The following PCDHA2 variants were observed in gnomAD, a reference collection of about 807,000 sequenced individuals.
The protein encoded by PCDHA2 is protocadherin alpha-2.
PCDHA2 carries 58 observed loss-of-function variants against 66.0 expected under a neutral mutation model. The ratio of observed to expected loss-of-function variants is 0.88; its 90% CI spans 0.71 to 1.09. The LOEUF (loss-of-function observed/expected upper bound fraction) is 1.09, where lower values mean the gene tolerates loss of function less well. PCDHA2 is among the 50% of genes least tolerant of loss of function. The pLI, the probability that PCDHA2 is intolerant of heterozygous loss-of-function variation, is 0.00. For missense variants in PCDHA2, 1,267 were observed against 1,242.3 expected (o/e 1.02, Z -0.30); for synonymous variants, 634 against 554.0 (o/e 1.14, Z -2.03).
rs781859537 is a variant in PCDHA2, at chr5:140,858,340, G to A, written c.2388+60988G>A. Reference sequence around the variant, plus strand: ...TGTGTTCTGGGGAGGGCCTGCCCAAGGCGGACCTCATGGCCTTCAGCCCCA... The same window carrying A: ...TGTGTTCTGGGGAGGGCCTGCCCAAAGCGGACCTCATGGCCTTCAGCCCCA... On this transcript the variant is annotated intron_variant, in intron 1 of 3. Coordinates refer to ENST00000526136, the MANE Select transcript of PCDHA2 (RefSeq NM_018905.3). The A allele has an allele frequency of 1.2e-5, 19 of 1,595,540 alleles. No individual in the cohort carries two copies. In the South Asian group the frequency reaches 1.3e-4, roughly 11 times the overall value.
intron 1 of PCDHA2, among the ~76,000 whole-genome samples, chr5:140,921,323 G>C (rs192159885): frequency 7.2e-4 from 109 of 151,970 alleles, no homozygotes; most frequent in African/African-American, 2.6e-3. Context: ...GAGCTAATCT[G>C]TCTGGTCCAA....
chr5:140,809,352 G>C, intron 1 of PCDHA2: 2 of 1,614,018 alleles, frequency 1.2e-6, no homozygotes, highest in Non-Finnish European at 1.7e-6. Context: ...ACCGCGCTGC[G>C]GTGCTCTGCG....
At chr5:140,881,461 C>T (rs1428843491) in intron 1 of PCDHA2, 1 of 635,408 alleles carries the variant, frequency 1.6e-6, no homozygotes, top group Non-Finnish European at 2.0e-6. Context: ...AACCTTAGAG[C>T]ATTGTTGTGG....
chr5:140,870,936 G>A (rs1554164882), intron 1 of PCDHA2: 5 of 1,613,820 alleles, frequency 3.1e-6, no homozygotes, highest in South Asian at 1.1e-5. Flanking sequence ...ATGAATTGCA[G>A]CCGGCGGCGG....
chr5:140,882,628 G>A (rs1554174947), intron 1 of PCDHA2: 9 of 1,614,252 alleles, frequency 5.6e-6, no homozygotes, highest in Non-Finnish European at 7.6e-6. Flanking sequence ...TCCATGTGGA[G>A]GTGAAGGTGA....
At chr5:140,875,597 G>T in intron 1 of PCDHA2, 1 of 1,613,960 alleles carries the variant, frequency 6.2e-7, no homozygotes, top group African/African-American at 1.3e-5. Flanking sequence ...GCCAAACACG[G>T]CACCTTCGTG....
At chr5:140,841,797 A>T in intron 1 of PCDHA2, 1 of 1,613,936 alleles carries the variant, frequency 6.2e-7, no homozygotes, top group Non-Finnish European at 8.5e-7. Flanking sequence ...GGCGCGTCCG[A>T]TGCAGATGTT....
At chr5:140,911,564 C>A (rs1036102678) in intron 1 of PCDHA2, among the ~76,000 whole-genome samples, 2 of 152,226 alleles carry the variant, frequency 1.3e-5, no homozygotes, top group African/African-American at 4.8e-5. Flanking sequence ...TCTTTCATCA[C>A]TTTGTCCAGT....
At chr5:140,871,976 C>A (rs2053421346) in intron 1 of PCDHA2, among the ~76,000 whole-genome samples, 1 of 152,206 alleles carries the variant, frequency 6.6e-6, no homozygotes, top group Non-Finnish European at 1.5e-5. Context: ...CCTATGATGT[C>A]CAGGTTGGAC....
chr5:140,796,726 G>A lies in PCDHA2; in HGVS notation c.1762G>A (p.Gly588Arg), dbSNP rs781873607. 2.0e-5 allele frequency: 33 copies of A among 1,614,100 alleles called. No homozygotes were observed. In the East Asian group the frequency reaches 7.4e-4, roughly 36 times the overall value. ...SELVPWSVGA[G>R]HVVAKVRAVD... The stretch of plus-strand genomic sequence containing the variant: ...GCTGGTGCCGTGGTCGGTGGGTGCA[G>A]GGCACGTGGTGGCGAAGGTGCGCGC... The change falls in exon 1 of 4, where the codon GGG becomes AGG. Residue 588 changes from glycine (G) to arginine (R), a missense_variant. Gly to Arg is a moderately radical substitution (Grantham distance 125, BLOSUM62 -2). Transcript: ENST00000526136.
chr5:140,873,589 A>C (rs1562682260), intron 1 of PCDHA2, among the ~76,000 whole-genome samples: 1 of 152,272 alleles, frequency 6.6e-6, no homozygotes, highest in Non-Finnish European at 1.5e-5. Context: ...TATTAAGCTA[A>C]ACTTAGATGT....
intron 1 of PCDHA2, among the ~76,000 whole-genome samples, chr5:140,911,053 G>A (rs2075311912): frequency 6.6e-6 from 1 of 152,090 alleles, no homozygotes. Flanking sequence ...GGGGTGGTGG[G>A]GGGTGGGTCC....
At chr5:140,807,862 C>T in intron 1 of PCDHA2, 4 of 1,614,112 alleles carry the variant, frequency 2.5e-6, no homozygotes, top group South Asian at 1.1e-5. Context: ...TGACTGGCAC[C>T]GTTCAGTTAC....
intron 1 of PCDHA2, chr5:140,842,796 A>T (rs2150344571): frequency 6.3e-7 from 1 of 1,594,198 alleles, no homozygotes. Flanking sequence ...CTGGTGTCCT[A>T]CTCGCTTGTG....
chr5:140,800,504 A>G (rs545559500), intron 1 of PCDHA2, among the ~76,000 whole-genome samples: 6 of 152,338 alleles, frequency 3.9e-5, no homozygotes, highest in East Asian at 1.9e-4. Flanking sequence ...AAATACTTCA[A>G]CATCTCAATG....
intron 1 of PCDHA2, among the ~76,000 whole-genome samples, chr5:140,913,414 CA>C: frequency 6.6e-6 from 1 of 152,102 alleles, no homozygotes; most frequent in African/African-American, 2.4e-5. Context: ...TGAATTCCTG[CA>C]GTATCAGTTG....
intron 1 of PCDHA2, among the ~76,000 whole-genome samples, chr5:140,950,908 T>G (rs1259421351): frequency 6.6e-6 from 1 of 152,072 alleles, no homozygotes; most frequent in Non-Finnish European, 1.5e-5. Flanking sequence ...TTTATTTTTA[T>G]TTTATTTCAG....
intron 1 of PCDHA2, chr5:140,805,052 C>T: frequency 6.3e-7 from 1 of 1,591,196 alleles, no homozygotes; most frequent in Non-Finnish European, 8.5e-7. Flanking sequence ...AAGTACTTGT[C>T]TTCCCAGATA....
intron 1 of PCDHA2, chr5:140,824,151 C>T (rs1554129761): frequency 6.2e-7 from 1 of 1,611,532 alleles, no homozygotes; most frequent in Admixed American, 1.7e-5. Context: ...TATTAACATC[C>T]ATCTTTCCCT....
Sources: allele counts gnomAD v4.1 joint callset (sites outside exome capture counted in the v4.1 genomes callset), GRCh38; gene constraint gnomAD v4.1.1; transcripts MANE v1.5; gene names NCBI Gene and HGNC (gene_info 2026-07-23, HGNC 2026-07-21).